The following DLGAP2 variants were observed in gnomAD, a reference collection of about 807,000 sequenced individuals.
The protein encoded by DLGAP2 is DLG associated protein 2.
DLGAP2 carries 26 observed loss-of-function variants against 100.3 expected under a neutral mutation model. That is an observed-to-expected ratio of 0.26 (90% CI 0.19 to 0.36). DLGAP2 has a LOEUF of 0.36. Among genes scored for constraint, DLGAP2 ranks in the 10% least tolerant of loss-of-function variants. The pLI is 1.00. For missense variants in DLGAP2, 1,858 were observed against 1,453.2 expected, an observed-to-expected ratio of 1.28 and a Z score of -4.53; for synonymous variants, 886 against 630.1, an observed-to-expected ratio of 1.41 and a Z score of -6.08.
chr8:1,089,928 A>G (rs1481681728), intron 2 of DLGAP2, among the ~76,000 whole-genome samples: 1 of 152,188 alleles, frequency 6.6e-6, no homozygotes, highest in African/African-American at 2.4e-5. Context: ...ACTGCTTGGG[A>G]TGAAGTCCGT....
At chr8:1,418,629 C>T (rs1390042293) in intron 3 of DLGAP2, among the ~76,000 whole-genome samples, 1 of 152,174 alleles carries the variant, frequency 6.6e-6, no homozygotes, top group East Asian at 1.9e-4. Flanking sequence ...TTCTCGACAC[C>T]AAATGCAAGA....
At chr8:1,298,068 G>A (rs139561884) in intron 3 of DLGAP2, among the ~76,000 whole-genome samples, 2 of 62,310 alleles carry the variant, frequency 3.2e-5, no homozygotes, top group East Asian at 3.9e-4. Context: ...GAGGAGAAAC[G>A]TGGCAGGCGT....
chr8:1,200,109 G>A (rs1022816031), intron 2 of DLGAP2, among the ~76,000 whole-genome samples: 41 of 152,232 alleles, frequency 2.7e-4, no homozygotes, highest in African/African-American at 9.6e-4. Context: ...AAGGGTCGGG[G>A]GCGTGGGGGC....
chr8:1,195,491 G>C (rs775169585), intron 2 of DLGAP2, among the ~76,000 whole-genome samples: 4 of 152,226 alleles, frequency 2.6e-5, no homozygotes, highest in Non-Finnish European at 5.9e-5. Context: ...GCACTACTGA[G>C]AAAACAATTG....
chr8:1,212,868 T>A (rs1798135088), intron 2 of DLGAP2, among the ~76,000 whole-genome samples: 1 of 150,346 alleles, frequency 6.7e-6, no homozygotes, highest in African/African-American at 2.4e-5. Context: ...CTCAAAAACA[T>A]CACATATCTC....
intron 3 of DLGAP2, among the ~76,000 whole-genome samples, chr8:1,409,156 C>T (rs1385086249): frequency 1.1e-5 from 1 of 89,112 alleles, no homozygotes; most frequent in Non-Finnish European, 2.6e-5. Flanking sequence ...GACCACTGCC[C>T]AGTTCCTTCC....
Position 1,555,214 on chromosome 8 carries a change from A to T in DLGAP2, c.1230+5531A>T, listed in dbSNP as rs373793970. On this transcript the variant is annotated intron_variant, in intron 5 of 14. Coordinates refer to ENST00000637795, the MANE Select transcript of DLGAP2 (RefSeq NM_001346810.2). The stretch of plus-strand genomic sequence containing the variant: ...TGGACACAGACGCACAACCCTGCAC[A>T]ATCCTTCCGCAGCCCCTCGAGTTTC... 1.3e-3 allele frequency among the ~76,000 whole-genome samples: 200 copies of T among 152,204 alleles called. 1 individual carries two copies. In the South Asian group the frequency reaches 0.018, roughly 14 times the overall value.
intron 2 of DLGAP2, among the ~76,000 whole-genome samples, chr8:1,222,704 G>T (rs59485027): frequency 0.3 from 45,517 of 151,862 alleles, 7,117 homozygotes; most frequent in East Asian, 0.56. Context: ...GTGCACTGGT[G>T]GGGTTTATCT....
chr8:1,547,126 G>A (rs1801569579), intron 4 of DLGAP2, among the ~76,000 whole-genome samples: 1 of 152,156 alleles, frequency 6.6e-6, no homozygotes, highest in South Asian at 2.1e-4. Context: ...CGGCAGCCGG[G>A]TGTGCTTAAG....
At chr8:1,372,029 G>C (rs1054214065) in intron 3 of DLGAP2, among the ~76,000 whole-genome samples, 15 of 152,376 alleles carry the variant, frequency 9.8e-5, no homozygotes, top group African/African-American at 3.6e-4. Context: ...GCAGCCTGCT[G>C]TCTGTGCAGG....
chr8:770,197 G>C (rs1337551980), intron 1 of DLGAP2, among the ~76,000 whole-genome samples: 1 of 152,124 alleles, frequency 6.6e-6, no homozygotes, highest in Non-Finnish European at 1.5e-5. Flanking sequence ...AATTTGCCTG[G>C]AGTTGTGGAG....
At chr8:1,264,084 T>C (rs1166406937) in intron 3 of DLGAP2, among the ~76,000 whole-genome samples, 1 of 152,124 alleles carries the variant, frequency 6.6e-6, no homozygotes, top group Non-Finnish European at 1.5e-5. Flanking sequence ...TTGACCCCTG[T>C]CCCATGCCCA....
intron 1 of DLGAP2, among the ~76,000 whole-genome samples, chr8:836,596 G>C (rs1465151313): frequency 6.6e-6 from 1 of 152,304 alleles, no homozygotes; most frequent in Non-Finnish European, 1.5e-5. Context: ...AATAAAGCCC[G>C]AGCTGGAGAA....
intron 6 of DLGAP2, among the ~76,000 whole-genome samples, chr8:1,594,433 G>C (rs566004991): frequency 6.6e-6 from 1 of 152,150 alleles, no homozygotes; most frequent in African/African-American, 2.4e-5. Flanking sequence ...TGGAGCTGAA[G>C]AACATAATTG....
chr8:1,250,796 T>TATTA (rs1236641539), intron 2 of DLGAP2, among the ~76,000 whole-genome samples: 9 of 152,172 alleles, frequency 5.9e-5, no homozygotes, highest in Admixed American at 2.0e-4. Flanking sequence ...ACACACGATT[T>TATTA]ATTAATTAAC....
At chr8:1,271,013 T>G (rs2116929435) in intron 3 of DLGAP2, among the ~76,000 whole-genome samples, 1 of 152,324 alleles carries the variant, frequency 6.6e-6, no homozygotes, top group East Asian at 1.9e-4. Flanking sequence ...ATTTCAGAAT[T>G]GTAATGACGG....
intron 2 of DLGAP2, among the ~76,000 whole-genome samples, chr8:1,091,227 A>G (rs1200535246): frequency 6.6e-6 from 1 of 152,220 alleles, no homozygotes; most frequent in Non-Finnish European, 1.5e-5. Flanking sequence ...GCACCCGGTC[A>G]GTCCCACTGG....
intron 2 of DLGAP2, among the ~76,000 whole-genome samples, chr8:1,074,417 A>G (rs1460671243): frequency 6.6e-6 from 1 of 152,224 alleles, no homozygotes; most frequent in African/African-American, 2.4e-5. Context: ...TTCAGTTCAC[A>G]TCATGCTCAG....
At chr8:942,683 T>A (rs1220316404) in intron 2 of DLGAP2, among the ~76,000 whole-genome samples, 1 of 152,184 alleles carries the variant, frequency 6.6e-6, no homozygotes, top group Non-Finnish European at 1.5e-5. Flanking sequence ...TGAGGCAGAG[T>A]CATGTTAGCC....
Sources: allele counts gnomAD v4.1 joint callset (sites outside exome capture counted in the v4.1 genomes callset), GRCh38; gene constraint gnomAD v4.1.1; transcripts MANE v1.5; gene names NCBI Gene and HGNC (gene_info 2026-07-23, HGNC 2026-07-21).